Variants in BCR observed in about 807,000 individuals in gnomAD.
BCR encodes breakpoint cluster region protein.
BCR carries 58 observed loss-of-function variants against 138.6 expected under a neutral mutation model. The ratio of observed to expected loss-of-function variants is 0.42; its 90% CI spans 0.34 to 0.52. The LOEUF is 0.52. Ranked by LOEUF, BCR falls within the 20% of genes least tolerant of loss-of-function variation. BCR has a pLI of 0.06. For missense variants in BCR, 1,599 were observed against 1,727.2 expected, an observed-to-expected ratio of 0.93 and a Z score of 1.32; for synonymous variants, 786 against 730.1, an observed-to-expected ratio of 1.08 and a Z score of -1.23.
chr22:23,202,119 T>C (rs2072559858), intron 1 of BCR, among the ~76,000 whole-genome samples: 2 of 152,234 alleles, frequency 1.3e-5, no homozygotes, highest in South Asian at 4.1e-4. Flanking sequence ...ATTTATCTAA[T>C]TTTAATGAAT....
At position 23,314,702 on chromosome 22, in the gene BCR, G is replaced by A. The variant is rs757907120; in HGVS notation, c.3714G>A (p.Glu1238=). ...PITMTDSWSL[E]VMSQVQVLLY... ...CCATGACTGACAGCTGGTCCTTGGA[G>A]GTCATGTCCCAGGTATGGGAAGACA... The change falls in exon 22 of 23, where the codon GAG becomes GAA. Residue 1238 remains glutamate, a synonymous_variant. Coordinates refer to ENST00000305877, the MANE Select transcript of BCR (RefSeq NM_004327.4). 2 of 1,611,754 alleles carry A rather than the reference G, an allele frequency of 1.2e-6. No homozygotes were observed. Among genetic ancestry groups the A allele is most frequent in the East Asian group, 4.5e-5 (2 of 44,872 alleles).
intron 20 of BCR, 76 bp from the exon 21 acceptor site, chr22:23,313,892 G>T: frequency 8.6e-7 from 1 of 1,164,474 alleles, no homozygotes. Context: ...ACAAGCCCCA[G>T]GTGCTCCATG....
rs5996515 is a variant in BCR, at chr22:23,293,635, C to T, written c.2880+997C>T. ...GAGTGCCACGACCCAGCAGAGACAA[C>T]AAGAGAGGGTGCCAGGCAGTGTGCA... On this transcript the variant is annotated intron_variant, in intron 15 of 22. Transcript: ENST00000305877. Among the ~76,000 whole-genome samples, 476 of 152,230 alleles carry T rather than the reference C, an allele frequency of 3.1e-3. 4 individuals are homozygous for T. The highest frequency in any genetic ancestry group is 0.011 in the African/African-American group (453 of 41,526).
intron 4 of BCR, among the ~76,000 whole-genome samples, chr22:23,266,129 A>G (rs115685224): frequency 0.055 from 8,412 of 151,758 alleles, 794 homozygotes; most frequent in African/African-American, 0.19. Context: ...CTGTCGCCCA[A>G]TCTGGAGTAC....
At chr22:23,271,847 C>T (rs1267208348) in intron 6 of BCR, among the ~76,000 whole-genome samples, 1 of 151,394 alleles carries the variant, frequency 6.6e-6, no homozygotes, top group Non-Finnish European at 1.5e-5. Context: ...ATCCTGTTGA[C>T]CCCAGTGGCC....
Position 23,253,783 on chromosome 22 carries a change from T to C in BCR, c.1280-16T>C. On this transcript the variant is annotated splice_polypyrimidine_tract_variant and intron_variant, in intron 1 of 22. Coordinates refer to ENST00000305877, the MANE Select transcript of BCR (RefSeq NM_004327.4). Reference sequence around the variant, plus strand: ...CTTCTCTGTCTCTAACACAGGATGCTTCTTTGCACACACAGATGGCTCGTT... The same window carrying C: ...CTTCTCTGTCTCTAACACAGGATGCCTCTTTGCACACACAGATGGCTCGTT... 1 of 1,600,878 alleles carries C rather than the reference T, an allele frequency of 6.2e-7. No individual in the cohort carries two copies.
chr22:23,298,449 CA>C (rs1341151898), intron 16 of BCR, among the ~76,000 whole-genome samples: 1 of 152,194 alleles, frequency 6.6e-6, no homozygotes, highest in African/African-American at 2.4e-5. Context: ...GTCTTTGTCA[CA>C]CCCCCACCAC....
chr22:23,288,073 G>C, intron 11 of BCR, 24 bp from the exon 12 acceptor site: 2 of 1,611,318 alleles, frequency 1.2e-6, no homozygotes, highest in Middle Eastern at 1.7e-4. Flanking sequence ...AGATAACTGG[G>C]TGTGTTCTTC....
Position 23,253,932 on chromosome 22 carries a change from G to T in BCR, c.1413G>T (p.Arg471Ser). The change falls in exon 2 of 23, where the codon AGG (arginine) becomes AGT (serine). Residue 471 changes from arginine to serine, a missense_variant. This residue lies in a region of BCR where 590 missense variants were observed against 762.4 expected (regional missense o/e 0.77). Transcript: ENST00000305877. ...SSSPHLSSKG[R>S]GSRDALVSGA... is the part of the protein sequence containing the mutation. ...CGCCCCACCTCAGCAGCAAGGGCAG[G>T]GGCAGCCGGGATGCGCTGGTCTCGG... is the stretch of plus-strand genomic sequence containing the variant. The T allele has an allele frequency of 6.2e-7, 1 of 1,613,154 alleles. No homozygotes were observed. Among genetic ancestry groups the T allele is most frequent in the South Asian group, 1.1e-5 (1 of 91,048 alleles).
intron 1 of BCR, among the ~76,000 whole-genome samples, chr22:23,242,306 C>T (rs566531198): frequency 6.6e-6 from 1 of 152,130 alleles, no homozygotes; most frequent in East Asian, 1.9e-4. Flanking sequence ...TTTGTTAAAG[C>T]ATATTTATTC....
chr22:23,220,938 C>T (rs933978120), intron 1 of BCR, among the ~76,000 whole-genome samples: 2 of 152,128 alleles, frequency 1.3e-5, no homozygotes, highest in South Asian at 2.1e-4. Context: ...GAGTTGCTCT[C>T]ACGTCGTTGC....
chr22:23,295,431 G>A (rs759071600), intron 16 of BCR, among the ~76,000 whole-genome samples: 3 of 152,174 alleles, frequency 2.0e-5, no homozygotes, highest in Non-Finnish European at 4.4e-5. Flanking sequence ...CTCAGTTCCT[G>A]CCCGGCCTTA....
chr22:23,253,946 C>T lies in BCR; in HGVS notation c.1427C>T (p.Ala476Val), dbSNP rs371224222. 1.7e-5 allele frequency: 28 copies of T among 1,612,934 alleles called. No individual in the cohort carries two copies. In the African/African-American group the frequency reaches 3.1e-4, roughly 18 times the overall value. Residue 476 changes from alanine (A) to valine (V), a missense_variant, in exon 2 of 23, where the codon GCG (alanine) becomes GTG (valine). This residue lies in a region of BCR where 590 missense variants were observed against 762.4 expected (regional missense o/e 0.77). Coordinates refer to ENST00000305877, the MANE Select transcript of BCR (RefSeq NM_004327.4). ...AGCAAGGGCAGGGGCAGCCGGGATG[C>T]GCTGGTCTCGGGAGCCCTGGAGTCC... ...LSSKGRGSRD[A>V]LVSGALESTK...
Position 23,305,588 on chromosome 22 carries a change from G to A in BCR, c.3013-3836G>A, listed in dbSNP as rs56722965. 2.6e-3 allele frequency among the ~76,000 whole-genome samples: 391 copies of A among 152,278 alleles called. 2 individuals carry two copies. Among genetic ancestry groups the A allele is most frequent in the African/African-American group, 8.9e-3 (371 of 41,544 alleles). ...ACAGCACCTGCCCCAGTTGGGCTTC[G>A]GCCTCCCTCAGCCCCCACCCCACCA... On this transcript the variant is annotated intron_variant, in intron 16 of 22. Coordinates refer to ENST00000305877, the MANE Select transcript of BCR (RefSeq NM_004327.4).
At chr22:23,202,861 GTT>G (rs68082217) in intron 1 of BCR, among the ~76,000 whole-genome samples, 1 of 149,182 alleles carries the variant, frequency 6.7e-6, no homozygotes, top group Non-Finnish European at 1.5e-5. Flanking sequence ...TTTTTGTGGG[GTT>G]TTTTTTTTGT....
At chr22:23,304,099 A>ATTTTT (rs56805241) in intron 16 of BCR, among the ~76,000 whole-genome samples, 9 of 102,206 alleles carry the variant, frequency 8.8e-5, no homozygotes, top group African/African-American at 3.2e-4. Flanking sequence ...ATGCCAGGCT[A>ATTTTT]TTTTTTTTTT....
intron 17 of BCR, chr22:23,309,968 CTAT>C (rs1385128609): frequency 2.6e-6 from 1 of 383,348 alleles, no homozygotes; most frequent in African/African-American, 2.1e-5. Context: ...CACAGTGCAC[CTAT>C]AGTCTCAGCT....
At chr22:23,294,918 C>A in intron 15 of BCR, 106 bp from the exon 16 acceptor site, 1 of 1,442,378 alleles carries the variant, frequency 6.9e-7, no homozygotes, top group African/African-American at 1.4e-5. Context: ...ATTGGTCCCT[C>A]TGGGCCAGCA....
chr22:23,198,309 T>A (rs1490463340), intron 1 of BCR: 1 of 438,886 alleles, frequency 2.3e-6, no homozygotes, highest in Non-Finnish European at 4.4e-6. Flanking sequence ...GGGCCACATC[T>A]TTGTCCGTGT....
Sources: allele counts gnomAD v4.1 joint callset (sites outside exome capture counted in the v4.1 genomes callset), GRCh38; gene constraint gnomAD v4.1.1; regional missense constraint gnomAD v4.1.1; transcripts MANE v1.5; gene names NCBI Gene and HGNC (gene_info 2026-07-23, HGNC 2026-07-21).